Variants in PRKCA observed in about 807,000 individuals in gnomAD.
PRKCA encodes the protein protein kinase C alpha type.
PRKCA carries 27 observed loss-of-function variants against 87.0 expected under a neutral mutation model. The observed-to-expected ratio is 0.31, with a 90% CI of 0.23 to 0.43. The LOEUF is 0.43. Among genes scored for constraint, PRKCA ranks in the 20% least tolerant of loss-of-function variants. The probability of loss-of-function intolerance (pLI) is 1.00; values close to 1 mark genes in which losing one functional copy is unlikely to be tolerated. For synonymous variants in PRKCA, 329 were observed against 311.1 expected, an observed-to-expected ratio of 1.06 and a Z score of -0.61; for missense variants, 518 against 852.3, an observed-to-expected ratio of 0.61 and a Z score of 4.88.
chr17:66,371,485 C>T (rs897713094), intron 2 of PRKCA, among the ~76,000 whole-genome samples: 1 of 152,198 alleles, frequency 6.6e-6, no homozygotes, highest in African/African-American at 2.4e-5. Flanking sequence ...CAGCATAGCT[C>T]TGGACCCAGA....
chr17:66,424,404 C>T (rs1199529510), intron 2 of PRKCA, among the ~76,000 whole-genome samples: 1 of 151,800 alleles, frequency 6.6e-6, no homozygotes, highest in African/African-American at 2.4e-5. Flanking sequence ...TGAAACTCTA[C>T]TAAAAATAAA....
At chr17:66,520,970 G>A (rs1301678200) in intron 3 of PRKCA, among the ~76,000 whole-genome samples, 1 of 152,136 alleles carries the variant, frequency 6.6e-6, no homozygotes, top group Non-Finnish European at 1.5e-5. Flanking sequence ...AAGTCTCCAT[G>A]CCAGGGCAGC....
intron 2 of PRKCA, among the ~76,000 whole-genome samples, chr17:66,379,108 A>G (rs1437574671): frequency 6.6e-6 from 1 of 152,152 alleles, no homozygotes. Flanking sequence ...GCTGCTGTGA[A>G]CATTCAGTTG....
chr17:66,433,290 G>A (rs1331972415), intron 2 of PRKCA, among the ~76,000 whole-genome samples: 7 of 152,068 alleles, frequency 4.6e-5, no homozygotes, highest in African/African-American at 7.2e-5. Flanking sequence ...CTCTGGCCCC[G>A]GCCCTGGCCC....
At chr17:66,658,022 T>C (rs778001157) in intron 5 of PRKCA, among the ~76,000 whole-genome samples, 10 of 152,184 alleles carry the variant, frequency 6.6e-5, no homozygotes, top group Non-Finnish European at 1.2e-4. Context: ...ACTGGTAATT[T>C]CTAGAGGAAA....
chr17:66,562,198 T>G (rs1968729928), intron 3 of PRKCA, among the ~76,000 whole-genome samples: 2 of 139,866 alleles, frequency 1.4e-5, no homozygotes, highest in Admixed American at 1.5e-4. Context: ...TATATAAAAT[T>G]AAATATATAT....
intron 3 of PRKCA, among the ~76,000 whole-genome samples, chr17:66,553,219 C>T (rs1477632798): frequency 6.6e-6 from 1 of 152,036 alleles, no homozygotes; most frequent in African/African-American, 2.4e-5. Flanking sequence ...TGAGCTCAAG[C>T]GATCCACCCG....
intron 3 of PRKCA, among the ~76,000 whole-genome samples, chr17:66,506,227 C>T (rs544759280): frequency 9.9e-5 from 15 of 151,526 alleles, no homozygotes; most frequent in African/African-American, 3.6e-4. Flanking sequence ...ACCCTGGAGG[C>T]GGAGGTTGCA....
chr17:66,773,757 G>C (rs934293223), intron 13 of PRKCA, among the ~76,000 whole-genome samples: 1 of 152,028 alleles, frequency 6.6e-6, no homozygotes, highest in African/African-American at 2.4e-5. Context: ...TCTCCAGGTG[G>C]ATTCAGAACA....
intron 13 of PRKCA, among the ~76,000 whole-genome samples, chr17:66,772,775 G>A (rs1002456987): frequency 2.0e-5 from 3 of 152,140 alleles, no homozygotes; most frequent in African/African-American, 7.2e-5. Context: ...CACAAAGGTA[G>A]AAGGAAGTGT....
At chr17:66,661,648 T>G (rs1598853870) in intron 5 of PRKCA, among the ~76,000 whole-genome samples, 1 of 152,324 alleles carries the variant, frequency 6.6e-6, no homozygotes, top group Non-Finnish European at 1.5e-5. Context: ...TTTGTCCAAT[T>G]CAGCCACCCA....
intron 2 of PRKCA, among the ~76,000 whole-genome samples, chr17:66,308,831 T>A (rs1215234417): frequency 6.6e-6 from 1 of 152,206 alleles, no homozygotes; most frequent in Non-Finnish European, 1.5e-5. Context: ...AATTAATCTT[T>A]CTATTAACAT....
intron 3 of PRKCA, among the ~76,000 whole-genome samples, chr17:66,509,585 C>G (rs1167705208): frequency 6.6e-6 from 1 of 152,206 alleles, no homozygotes; most frequent in African/African-American, 2.4e-5. Context: ...CTAGGAAGGA[C>G]AGTCTGCTTT....
At chr17:66,508,381 T>G (rs555536368) in intron 3 of PRKCA, among the ~76,000 whole-genome samples, 1 of 152,370 alleles carries the variant, frequency 6.6e-6, no homozygotes, top group African/African-American at 2.4e-5. Context: ...AACACTGCCG[T>G]TGGGCGTTGC....
Position 66,460,602 on chromosome 17 carries a change from A to G in PRKCA, c.206-35599A>G, listed in dbSNP as rs1410796743. On this transcript the variant is annotated intron_variant, in intron 2 of 16. Coordinates refer to ENST00000413366, the MANE Select transcript of PRKCA (RefSeq NM_002737.3). The stretch of plus-strand genomic sequence containing the variant: ...CTGCTGCTCATTACGTTTTAGTGGG[A>G]TAAAACCTTGTCTTGCCCTCCTAGT... Among the ~76,000 whole-genome samples, 4 of 152,308 alleles carry G rather than the reference A, an allele frequency of 2.6e-5. No homozygotes were observed. In the East Asian group the frequency reaches 7.7e-4, roughly 29 times the overall value.
chr17:66,497,839 T>C (rs1916544874), intron 3 of PRKCA, among the ~76,000 whole-genome samples: 1 of 152,190 alleles, frequency 6.6e-6, no homozygotes. Context: ...CCGATTTGCG[T>C]TGTTGTAACA....
Position 66,338,001 on chromosome 17 carries a change from C to G in PRKCA, c.205+31874C>G, listed in dbSNP as rs188161499. Among the ~76,000 whole-genome samples, 26 of 132,168 alleles carry G rather than the reference C, an allele frequency of 2.0e-4. 1 individual carries two copies. The East Asian group carries it at 4.9e-3, about 25-fold the overall frequency. 86.7% of individuals were successfully genotyped at this position (132,168 alleles called of 152,430 possible). ...ATGTGTGATTGAACCTGGGAATCTTCCCCCCCCTCCGCCCCCCTTAATTTC... is the reference window on the plus strand; with the variant it reads ...ATGTGTGATTGAACCTGGGAATCTTGCCCCCCCTCCGCCCCCCTTAATTTC... On this transcript the variant is annotated intron_variant, in intron 2 of 16. Transcript: ENST00000413366.
chr17:66,524,656 C>A (rs1459150172), intron 3 of PRKCA, among the ~76,000 whole-genome samples: 6 of 152,184 alleles, frequency 3.9e-5, no homozygotes, highest in Non-Finnish European at 8.8e-5. Context: ...GGGCCAGGTT[C>A]TCTTCTGTGC....
chr17:66,629,357 C>T (rs1295849889), intron 3 of PRKCA, among the ~76,000 whole-genome samples: 1 of 152,158 alleles, frequency 6.6e-6, no homozygotes, highest in African/African-American at 2.4e-5. Flanking sequence ...TGTTAGCTCC[C>T]TACTACCAAA....
Sources: allele counts gnomAD v4.1 joint callset (sites outside exome capture counted in the v4.1 genomes callset), GRCh38; gene constraint gnomAD v4.1.1; transcripts MANE v1.5; gene names NCBI Gene and HGNC (gene_info 2026-07-23, HGNC 2026-07-21).